The following HIVEP2 variants were observed in gnomAD, a reference collection of about 807,000 sequenced individuals.
HIVEP2 encodes the protein transcription factor HIVEP2.
HIVEP2 carries 14 observed loss-of-function variants against 180.7 expected under a neutral mutation model. That is an observed-to-expected ratio of 0.08 (90% CI 0.05 to 0.12). The LOEUF (loss-of-function observed/expected upper bound fraction) is 0.12, where lower values mean the gene tolerates loss of function less well. Ranked by LOEUF, HIVEP2 falls within the 10% of genes least tolerant of loss-of-function variation. The pLI is 1.00. For missense variants in HIVEP2, 2,579 were observed against 3,008.5 expected, an observed-to-expected ratio of 0.86 and a Z score of 3.34; for synonymous variants, 1,184 against 1,136.4, an observed-to-expected ratio of 1.04 and a Z score of -0.84.
intron 1 of HIVEP2, among the ~76,000 whole-genome samples, chr6:142,859,834 C>CAAAAAAAAAAAAAAAAA (rs56853043): frequency 1.4e-5 from 1 of 73,612 alleles, no homozygotes; most frequent in Non-Finnish European, 2.5e-5. Flanking sequence ...AACTCCGTCT[C>CAAAAAAAAAAAAAAAAA]AAAAAAAAAA....
intron 1 of HIVEP2, among the ~76,000 whole-genome samples, chr6:142,932,177 G>T (rs1422602793): frequency 1.3e-5 from 2 of 152,070 alleles, no homozygotes; most frequent in African/African-American, 4.8e-5. Flanking sequence ...CTGATGATGA[G>T]AATAGTGACT....
Position 142,770,599 on chromosome 6 carries a change from G to A in HIVEP2, c.4140C>T (p.Thr1380=), listed in dbSNP as rs35406346. 2,398 of 1,614,198 alleles carry A rather than the reference G, an allele frequency of 1.5e-3. 24 individuals carry two copies. The Middle Eastern group carries it at 0.026, about 17-fold the overall frequency. ...DENMTQRTLV[T]NAAMQGIGFN... ...ATCCTATCCCTTGCATGGCTGCGTT[G>A]GTGACCAGTGTCCTTTGGGTCATAT... Residue 1380 remains threonine, a synonymous_variant, in exon 5 of 10, where the codon ACC becomes ACT. Transcript: ENST00000367603. The surrounding 1 kb of genome is among the most constrained non-coding windows in gnomAD (Gnocchi z 4.7).
chr6:142,885,341 C>A (rs1004200974), intron 1 of HIVEP2, among the ~76,000 whole-genome samples: 1 of 151,736 alleles, frequency 6.6e-6, no homozygotes, highest in Non-Finnish European at 1.5e-5. Flanking sequence ...CCTCCCCTTT[C>A]TTCTCTCGTC....
In HIVEP2 at chr6:142,826,530, T is replaced by C. The variant is rs148198121; in HGVS notation, c.-528+10405A>G. 2.4e-4 allele frequency among the ~76,000 whole-genome samples: 37 copies of C among 152,292 alleles called. 1 individual carries two copies. In the East Asian group the frequency reaches 6.6e-3, roughly 27 times the overall value. On this transcript the variant is annotated intron_variant, in intron 2 of 9. Coordinates refer to ENST00000367603, the MANE Select transcript of HIVEP2 (RefSeq NM_006734.4). ...ACCCTATCTATCCCAGGTCTTCCCA[T>C]AGAAAAGGAGAAAATCAGTCTAATA...
chr6:142,927,536 T>C (rs761530294), intron 1 of HIVEP2, among the ~76,000 whole-genome samples: 11 of 152,172 alleles, frequency 7.2e-5, no homozygotes, highest in Non-Finnish European at 1.5e-4. Context: ...TCTAAAAGCA[T>C]ATTCTATATG....
chr6:142,882,947 T>TA (rs1483373047), intron 1 of HIVEP2, among the ~76,000 whole-genome samples: 7 of 152,096 alleles, frequency 4.6e-5, no homozygotes, highest in Non-Finnish European at 1.5e-5. Context: ...CCAAAGCTGA[T>TA]AAACTAACCA....
At chr6:142,869,717 A>C (rs963768148) in intron 1 of HIVEP2, among the ~76,000 whole-genome samples, 1 of 152,178 alleles carries the variant, frequency 6.6e-6, no homozygotes. Flanking sequence ...TTAAAAATGT[A>C]TACTGAATCA....
At chr6:142,831,425 C>T (rs1775077173) in intron 2 of HIVEP2, among the ~76,000 whole-genome samples, 4 of 152,164 alleles carry the variant, frequency 2.6e-5, no homozygotes, top group Non-Finnish European at 1.5e-5. Context: ...ACCTCACCCG[C>T]CATCCAACAG....
In HIVEP2 at chr6:142,751,557, C is replaced by T. The variant is rs1348606210; in HGVS notation, c.*1550G>A. Reference sequence around the variant, plus strand: ...AAACTTGGTTTCACAGAATTATAATCCACTATATAGCACAAAGATAACCCA... The same window carrying T: ...AAACTTGGTTTCACAGAATTATAATTCACTATATAGCACAAAGATAACCCA... On this transcript the variant is annotated 3_prime_UTR_variant, in exon 10 of 10. Coordinates refer to ENST00000367603, the MANE Select transcript of HIVEP2 (RefSeq NM_006734.4). 2 of 152,678 alleles carry T rather than the reference C, an allele frequency of 1.3e-5. No homozygotes were observed. Among genetic ancestry groups the T allele is most frequent in the African/African-American group, 4.8e-5 (2 of 41,458 alleles). The allele number at this position is 152,678 out of a possible 1,614,324, so 9.5% of individuals were successfully genotyped here. A position where few individuals can be genotyped will look rare whatever the true frequency, so the allele number is the denominator to read the frequency against.
chr6:142,922,951 T>C (rs1187934337), intron 1 of HIVEP2, among the ~76,000 whole-genome samples: 1 of 152,206 alleles, frequency 6.6e-6, no homozygotes, highest in African/African-American at 2.4e-5. Flanking sequence ...TGTTTTAATA[T>C]AAATCCTGCC....
chr6:142,767,007 C>T (rs1232924608), intron 6 of HIVEP2, among the ~76,000 whole-genome samples: 4 of 152,072 alleles, frequency 2.6e-5, no homozygotes, highest in African/African-American at 4.8e-5. Context: ...GCCCATAAAA[C>T]GGGGCAATTA....
At chr6:142,837,635 T>C (rs1171306263) in intron 1 of HIVEP2, among the ~76,000 whole-genome samples, 2 of 152,126 alleles carry the variant, frequency 1.3e-5, no homozygotes, top group Non-Finnish European at 2.9e-5. Flanking sequence ...TCCTAAGGAC[T>C]CACAAATAGC....
chr6:142,801,550 C>T (rs1776412224), intron 2 of HIVEP2, among the ~76,000 whole-genome samples: 2 of 151,894 alleles, frequency 1.3e-5, no homozygotes, highest in Admixed American at 1.3e-4. Flanking sequence ...CTCTTTTACT[C>T]CAGATCTAGT....
intron 1 of HIVEP2, among the ~76,000 whole-genome samples, chr6:142,891,093 T>C (rs999788715): frequency 1.3e-5 from 2 of 152,242 alleles, no homozygotes; most frequent in African/African-American, 4.8e-5. Flanking sequence ...CTTTTGTTGT[T>C]TGCTTTTCAG....
chr6:142,799,382 C>T (rs576035810), intron 2 of HIVEP2, among the ~76,000 whole-genome samples: 2 of 152,170 alleles, frequency 1.3e-5, no homozygotes, highest in East Asian at 1.9e-4. Context: ...ATGGTAACAC[C>T]TAGGCATCCT....
chr6:142,801,614 C>T (rs1776413720), intron 2 of HIVEP2, among the ~76,000 whole-genome samples: 2 of 151,884 alleles, frequency 1.3e-5, no homozygotes, highest in African/African-American at 2.4e-5. Context: ...TGATTATGTA[C>T]CCTTGTATAA....
At chr6:142,886,169 T>C (rs1011393895) in intron 1 of HIVEP2, among the ~76,000 whole-genome samples, 1 of 152,228 alleles carries the variant, frequency 6.6e-6, no homozygotes, top group Non-Finnish European at 1.5e-5. Flanking sequence ...CTACTAAATA[T>C]GGTATCTTAT....
intron 1 of HIVEP2, among the ~76,000 whole-genome samples, chr6:142,896,075 AC>A (rs770829441): frequency 2.3e-3 from 350 of 152,268 alleles, no homozygotes; most frequent in African/African-American, 7.5e-3. Flanking sequence ...TTAGAATGTG[AC>A]CTTTTTTGAG....
intron 2 of HIVEP2, among the ~76,000 whole-genome samples, chr6:142,791,847 C>T (rs1776145093): frequency 6.6e-6 from 1 of 152,094 alleles, no homozygotes; most frequent in Admixed American, 6.6e-5. Flanking sequence ...AAAGAGCTTA[C>T]TGTCTAATGA....
Sources: gnomAD v4.1 joint callset for allele counts (sites outside exome capture counted in the v4.1 genomes callset) on GRCh38, gnomAD v4.1.1 for gene constraint, Gnocchi (gnomAD v3.1) non-coding constraint, MANE v1.5 for transcripts, NCBI Gene and HGNC (gene_info 2026-07-23, HGNC 2026-07-21) for gene names.